Variants in CCL18 observed in about 807,000 individuals in gnomAD.
CCL18 encodes C-C motif chemokine 18.
A neutral mutation model predicts 8.0 loss-of-function variants in CCL18; 7 were observed. The observed-to-expected ratio is 0.87, with a 90% CI of 0.50 to 1.64. The LOEUF (loss-of-function observed/expected upper bound fraction) is 1.64. Among genes scored for constraint, CCL18 ranks in the 40% most tolerant of loss-of-function variants. CCL18 has a pLI of 0.00. For missense variants in CCL18, 95 were observed against 107.8 expected (o/e 0.88, Z 0.52); for synonymous variants, 35 against 41.3 (o/e 0.85, Z 0.59).
chr17:36,064,489 C>T, intron 1 of CCL18, 80 bp downstream of exon 1: 1 of 1,089,080 alleles, frequency 9.2e-7, no homozygotes, highest in South Asian at 1.3e-5. Flanking sequence ...GGCCTGAAAA[C>T]CCTCGTGTGA....
At chr17:36,069,094 A>G (rs548480212) in intron 1 of CCL18, among the ~76,000 whole-genome samples, 1 of 152,228 alleles carries the variant, frequency 6.6e-6, no homozygotes, top group African/African-American at 2.4e-5. Context: ...GCTTCAAGCA[A>G]TCCTCCCACC....
chr17:36,067,014 T>C (rs1243956178), intron 1 of CCL18, among the ~76,000 whole-genome samples: 2 of 152,212 alleles, frequency 1.3e-5, no homozygotes, highest in Non-Finnish European at 2.9e-5. Context: ...TAGTGTTGTG[T>C]TTCCATTGCA....
At chr17:36,069,781 C>T (rs1457567445) in intron 1 of CCL18, among the ~76,000 whole-genome samples, 1 of 152,152 alleles carries the variant, frequency 6.6e-6, no homozygotes, top group Non-Finnish European at 1.5e-5. Context: ...CTGCAGTTGC[C>T]CTTGCTGTCC....
At chr17:36,066,760 G>A (rs1722023785) in intron 1 of CCL18, among the ~76,000 whole-genome samples, 1 of 152,200 alleles carries the variant, frequency 6.6e-6, no homozygotes, top group Admixed American at 6.5e-5. Flanking sequence ...CTGACCACAT[G>A]GTGTGATGTA....
At chr17:36,065,673 T>A (rs1228405361) in intron 1 of CCL18, among the ~76,000 whole-genome samples, 1 of 152,180 alleles carries the variant, frequency 6.6e-6, no homozygotes, top group Non-Finnish European at 1.5e-5. Context: ...GTAAATTTCT[T>A]CCACTCTTGA....
At chr17:36,070,903 T>A in intron 2 of CCL18, 48 bp from the exon 3 acceptor site, 1 of 1,333,800 alleles carries the variant, frequency 7.5e-7, no homozygotes, top group Non-Finnish European at 1.1e-6. Context: ...GCCACAGGAT[T>A]CCCCTGATGA....
chr17:36,064,965 G>T (rs1486645195), intron 1 of CCL18, among the ~76,000 whole-genome samples: 3 of 152,036 alleles, frequency 2.0e-5, no homozygotes, highest in Admixed American at 1.3e-4. Context: ...TTTCCTGCAG[G>T]CCTCAACTCT....
chr17:36,068,330 A>T (rs35580735), intron 1 of CCL18, among the ~76,000 whole-genome samples: 3,261 of 144,076 alleles, frequency 0.023, 67 homozygotes, highest in African/African-American at 0.061. Flanking sequence ...ACTGTTTTTT[A>T]AAAAAAAAAA....
At chr17:36,066,752 G>T (rs1034697781) in intron 1 of CCL18, among the ~76,000 whole-genome samples, 22 of 152,200 alleles carry the variant, frequency 1.4e-4, no homozygotes, top group Admixed American at 1.4e-3. Flanking sequence ...CAGCTCCTCT[G>T]ACCACATGGT....
At chr17:36,067,181 C>T (rs1475623964) in intron 1 of CCL18, among the ~76,000 whole-genome samples, 2 of 152,132 alleles carry the variant, frequency 1.3e-5, no homozygotes, top group Non-Finnish European at 2.9e-5. Flanking sequence ...ATTCATTGAA[C>T]ATTCATAGCT....
intron 1 of CCL18, among the ~76,000 whole-genome samples, chr17:36,066,535 T>C (rs907975365): frequency 6.6e-6 from 1 of 152,226 alleles, no homozygotes; most frequent in African/African-American, 2.4e-5. Flanking sequence ...GGTGTCTTGC[T>C]CTGAGTTGTA....
chr17:36,066,172 G>C (rs555220084), intron 1 of CCL18, among the ~76,000 whole-genome samples: 12 of 152,288 alleles, frequency 7.9e-5, no homozygotes, highest in Admixed American at 7.8e-4. Context: ...GAAGTTCTTT[G>C]ATTTTACTTA....
Position 36,070,551 on chromosome 17 carries a change from G to T in CCL18, c.172G>T (p.Gly58Cys), listed in dbSNP as rs773046025. ...AACCAGCCCCCAGTGCCCCAAGCCAGGTGTCATGTAAGTGCCAGTGCTCCT... is the reference window on the plus strand; with the variant it reads ...AACCAGCCCCCAGTGCCCCAAGCCATGTGTCATGTAAGTGCCAGTGCTCCT... ...SETSPQCPKP[G>C]VILLTKRGRQ... Residue 58 changes from glycine (G) to cysteine (C), a missense_variant, in exon 2 of 3, where the codon GGT (glycine) becomes TGT (cysteine). Coordinates refer to ENST00000616054, the MANE Select transcript of CCL18 (RefSeq NM_002988.4). 7.5e-6 allele frequency: 12 copies of T among 1,605,316 alleles called. No homozygotes were observed. The Admixed American group carries it at 1.3e-4, about 18-fold the overall frequency.
Position 36,071,007 on chromosome 17 carries a change from A to G in CCL18, c.236A>G (p.Gln79Arg). The G allele has an allele frequency of 3.7e-6, 6 of 1,614,038 alleles. No individual in the cohort carries two copies. Among genetic ancestry groups the G allele is most frequent in the Non-Finnish European group, 5.1e-6 (6 of 1,179,914 alleles). The change falls in exon 3 of 3, where the codon CAG (glutamine) becomes CGG (arginine). Residue 79 changes from glutamine (Q) to arginine (R), a missense_variant. By Grantham distance (43) the Gln-to-Arg change is conservative (BLOSUM62 1). Coordinates refer to ENST00000616054, the MANE Select transcript of CCL18 (RefSeq NM_002988.4). ...ICADPNKKWV[Q>R]KYISDLKLNA ...GCTGACCCCAATAAGAAGTGGGTCCAGAAATACATCAGCGACCTGAAGCTG... is the reference window on the plus strand; with the variant it reads ...GCTGACCCCAATAAGAAGTGGGTCCGGAAATACATCAGCGACCTGAAGCTG...
At position 36,069,140 on chromosome 17, in the gene CCL18, C is replaced by T. The variant is rs534369000; in HGVS notation, c.68-1307C>T. Reference sequence around the variant, plus strand: ...CAAATGCTGGGATTACAGGCATGAGCCACCATGCCTGGCTCTGATGTCCAT... The same window carrying T: ...CAAATGCTGGGATTACAGGCATGAGTCACCATGCCTGGCTCTGATGTCCAT... On this transcript the variant is annotated intron_variant, in intron 1 of 2. Coordinates refer to ENST00000616054, the MANE Select transcript of CCL18 (RefSeq NM_002988.4). Among the ~76,000 whole-genome samples, 10 of 152,314 alleles carry T rather than the reference C, an allele frequency of 6.6e-5. No individual in the cohort carries two copies. In the South Asian group the frequency reaches 2.1e-3, roughly 32 times the overall value.
At chr17:36,065,111 G>T (rs1346333801) in intron 1 of CCL18, among the ~76,000 whole-genome samples, 1 of 152,154 alleles carries the variant, frequency 6.6e-6, no homozygotes, top group Non-Finnish European at 1.5e-5. Context: ...CCCAGTAGAT[G>T]CACTGCAAAT....
intron 1 of CCL18, among the ~76,000 whole-genome samples, chr17:36,066,440 C>A (rs1332486450): frequency 6.6e-6 from 1 of 152,128 alleles, no homozygotes; most frequent in Non-Finnish European, 1.5e-5. Flanking sequence ...GGGGTCCAAG[C>A]CATGTCCTCA....
chr17:36,067,332 C>A (rs1264063455), intron 1 of CCL18, among the ~76,000 whole-genome samples: 1 of 152,146 alleles, frequency 6.6e-6, no homozygotes, highest in Non-Finnish European at 1.5e-5. Flanking sequence ...AAATATCCTA[C>A]AGAAATAACC....
chr17:36,067,617 G>C (rs1352893167), intron 1 of CCL18, among the ~76,000 whole-genome samples: 1 of 152,136 alleles, frequency 6.6e-6, no homozygotes, highest in Non-Finnish European at 1.5e-5. Context: ...AACCTGGGAA[G>C]TGGGGGTTGC....
Sources: gnomAD v4.1 joint callset for allele counts (sites outside exome capture counted in the v4.1 genomes callset) on GRCh38, gnomAD v4.1.1 for gene constraint, MANE v1.5 for transcripts, NCBI Gene and HGNC (gene_info 2026-07-23, HGNC 2026-07-21) for gene names.